ZFHX3: variants seen among roughly 807,000 people sequenced by gnomAD.
ZFHX3 encodes zinc finger homeobox protein 3.
Under a neutral mutation model 279.1 loss-of-function variants are expected in ZFHX3, and 42 were observed. That is an observed-to-expected ratio of 0.15 (90% confidence interval 0.12 to 0.19). The LOEUF (loss-of-function observed/expected upper bound fraction) is 0.19, where lower values mean the gene tolerates loss of function less well. Ranked by LOEUF, ZFHX3 falls within the 10% of genes least tolerant of loss-of-function variation. The pLI, the probability that ZFHX3 is intolerant of heterozygous loss-of-function variation, is 1.00. For missense variants in ZFHX3, 4,981 were observed against 4,754.0 expected (o/e 1.05, Z -1.40); for synonymous variants, 2,293 against 1,957.8 (o/e 1.17, Z -4.52).
chr16:73,189,963 T>G (rs1212646745), intron 5 of ZFHX3, among the ~76,000 whole-genome samples: 1 of 152,020 alleles, frequency 6.6e-6, no homozygotes, highest in Non-Finnish European at 1.5e-5. Context: ...AAACTAAAAG[T>G]CTAAAGACAC....
chr16:73,584,334 C>G (rs191434683), intron 2 of ZFHX3, among the ~76,000 whole-genome samples: 1 of 152,180 alleles, frequency 6.6e-6, no homozygotes, highest in Non-Finnish European at 1.5e-5. Context: ...ATATCTAAAC[C>G]TCTCATAATG....
At chr16:73,017,721 C>T (rs2106261) in intron 1 of ZFHX3, among the ~76,000 whole-genome samples, 31,998 of 151,850 alleles carry the variant, frequency 0.21, 3,600 homozygotes, top group East Asian at 0.32. Flanking sequence ...AGAGAATTGT[C>T]CAACCATCCA....
chr16:73,602,731 G>T (rs746618378), intron 2 of ZFHX3, among the ~76,000 whole-genome samples: 2 of 151,912 alleles, frequency 1.3e-5, no homozygotes, highest in Non-Finnish European at 2.9e-5. Context: ...CAGATCACGA[G>T]GTCAGGAGTT....
chr16:72,910,702 C>A (rs2039294822), intron 3 of ZFHX3, among the ~76,000 whole-genome samples: 1 of 152,194 alleles, frequency 6.6e-6, no homozygotes, highest in Non-Finnish European at 1.5e-5. Flanking sequence ...CTTCATAACC[C>A]TCGGGAGTTT....
chr16:72,899,253 A>T (rs950356992), intron 3 of ZFHX3, among the ~76,000 whole-genome samples: 2 of 152,038 alleles, frequency 1.3e-5, no homozygotes, highest in African/African-American at 4.8e-5. Flanking sequence ...CATGGTAGGG[A>T]TCTGGTGGGA....
At chr16:73,115,259 G>A (rs1966418138) in intron 7 of ZFHX3, among the ~76,000 whole-genome samples, 1 of 151,706 alleles carries the variant, frequency 6.6e-6, no homozygotes, top group Non-Finnish European at 1.5e-5. Flanking sequence ...ACGGGGTCCA[G>A]GCCAGGCGTG....
At chr16:73,552,895 A>C (rs1411609007) in intron 2 of ZFHX3, among the ~76,000 whole-genome samples, 2 of 152,194 alleles carry the variant, frequency 1.3e-5, no homozygotes, top group Admixed American at 6.5e-5. Flanking sequence ...GAAGGCAGCT[A>C]ATTCTGAATT....
chr16:73,703,593 G>A (rs938613481), intron 1 of ZFHX3, among the ~76,000 whole-genome samples: 1 of 151,982 alleles, frequency 6.6e-6, no homozygotes, highest in African/African-American at 2.4e-5. Context: ...TACCCATAAC[G>A]AACCAGTAAT....
chr16:73,287,848 C>CTGTGTGGGTTGCTGTGTGGG (rs375487966), intron 4 of ZFHX3, among the ~76,000 whole-genome samples: 49,305 of 140,808 alleles, frequency 0.35, 9,246 homozygotes, highest in South Asian at 0.46. Flanking sequence ...TGGTGAGTGG[C>CTGTGTGGGTTGCTGTGTGGG]TGTGTGGGTC....
chr16:73,268,280 A>G (rs2014037186), intron 4 of ZFHX3, among the ~76,000 whole-genome samples: 1 of 152,178 alleles, frequency 6.6e-6, no homozygotes, highest in Admixed American at 6.5e-5. Flanking sequence ...TCTGTTCTGC[A>G]GAGTTCTGGG....
At chr16:72,804,453 A>G (rs969907382) in intron 7 of ZFHX3, among the ~76,000 whole-genome samples, 4 of 152,246 alleles carry the variant, frequency 2.6e-5, no homozygotes, top group Non-Finnish European at 4.4e-5. Context: ...AATATTCCAG[A>G]TAATTTTAGG....
chr16:72,794,437 C>T lies in ZFHX3; in HGVS notation c.8245G>A (p.Ala2749Thr). Residue 2749 changes from alanine (A) to threonine (T), a missense_variant, in exon 9 of 10, where the codon GCG (alanine) becomes ACG (threonine). Ala to Thr is a moderately conservative substitution (Grantham distance 58). Transcript: ENST00000268489. This position sits in a 1 kb window ranked among gnomAD's most constrained non-coding sequence, Gnocchi z 4.2. Reference sequence around the variant, plus strand: ...CCCCCATCACAGTCTAAGAGCATCGCAGACAGAGTTAGGTTGTAGCCAGCT... The same window carrying T: ...CCCCCATCACAGTCTAAGAGCATCGTAGACAGAGTTAGGTTGTAGCCAGCT... ...KRAGYNLTLSAMLLDCDGGLQ... is the reference protein window; with the variant it reads ...KRAGYNLTLSTMLLDCDGGLQ... 2 of 1,613,816 alleles carry T rather than the reference C, an allele frequency of 1.2e-6. No homozygotes were observed. Among genetic ancestry groups the T allele is most frequent in the East Asian group, 2.2e-5 (1 of 44,862 alleles).
chr16:73,565,748 T>C (rs1046520978), intron 2 of ZFHX3, among the ~76,000 whole-genome samples: 1 of 152,188 alleles, frequency 6.6e-6, no homozygotes, highest in East Asian at 1.9e-4. Flanking sequence ...CCCTTTTTTA[T>C]GTGAAGTAAG....
rs2051865160 is a variant in ZFHX3 at position 73,581,832 on chromosome 16, C to A, written c.-1547+98348G>T. On this transcript the variant is annotated intron_variant, in intron 2 of 17. Coordinates refer to the ZFHX3 transcript ENST00000641206. Reference sequence around the variant, plus strand: ...CTATAGGCATGTGCCACCACACACACCTGGCTAATTTTTTTGTATTTTTAG... The same window carrying A: ...CTATAGGCATGTGCCACCACACACAACTGGCTAATTTTTTTGTATTTTTAG... Among the ~76,000 whole-genome samples, 2 of 151,334 alleles carry A rather than the reference C, an allele frequency of 1.3e-5. 1 individual carries two copies. The highest frequency in any genetic ancestry group is 4.9e-5 in the African/African-American group (2 of 40,918).
intron 5 of ZFHX3, among the ~76,000 whole-genome samples, chr16:73,186,558 T>C (rs912197692): frequency 2.0e-5 from 3 of 151,618 alleles, no homozygotes; most frequent in African/African-American, 4.9e-5. Flanking sequence ...AGGAAAAGTT[T>C]TTTTTTTTTT....
At chr16:73,351,752 G>A (rs1397943169) in intron 3 of ZFHX3, among the ~76,000 whole-genome samples, 1 of 151,226 alleles carries the variant, frequency 6.6e-6, no homozygotes, top group South Asian at 2.1e-4. Context: ...TTGGCAGCAC[G>A]GTTTCCATTA....
intron 2 of ZFHX3, among the ~76,000 whole-genome samples, chr16:73,672,512 G>A (rs2052913754): frequency 6.6e-6 from 1 of 152,070 alleles, no homozygotes; most frequent in South Asian, 2.1e-4. Context: ...TATTGGCCAA[G>A]TTGTACCTAC....
intron 1 of ZFHX3, among the ~76,000 whole-genome samples, chr16:73,032,399 A>T (rs1221904136): frequency 2.0e-5 from 3 of 152,196 alleles, no homozygotes; most frequent in Non-Finnish European, 4.4e-5. Flanking sequence ...TCCATTCCTA[A>T]CTACCCTTTT....
Position 72,933,420 on chromosome 16 carries a change from GGTTT to G in ZFHX3, c.3216+17045_3216+17048del, listed in dbSNP as rs1959929537. On this transcript the variant is annotated intron_variant, in intron 3 of 9. Coordinates refer to ENST00000268489, the MANE Select transcript of ZFHX3 (RefSeq NM_006885.4). ...GAGAGGAGAGAACATTTCACCATTA[GGTTT>G]TAGTATTTTACCCTCACATTGCATT... Among the ~76,000 whole-genome samples the G allele has an allele frequency of 6.6e-5, 10 of 152,190 alleles. No individual in the cohort carries two copies. The South Asian group carries it at 2.1e-3, about 32-fold the overall frequency.
Sources: allele counts gnomAD v4.1 joint callset (sites outside exome capture counted in the v4.1 genomes callset), GRCh38; gene constraint gnomAD v4.1.1; non-coding constraint Gnocchi (gnomAD v3.1); transcripts MANE v1.5; gene names NCBI Gene and HGNC (gene_info 2026-07-23, HGNC 2026-07-21).